The following OTUD7A variants were observed in gnomAD, a reference collection of about 807,000 sequenced individuals.
OTUD7A encodes the protein OTU deubiquitinase 7A.
Under a neutral mutation model 65.7 loss-of-function variants are expected in OTUD7A, and 12 were observed. The ratio of observed to expected loss-of-function variants is 0.18; its 90% CI spans 0.12 to 0.30. OTUD7A has a LOEUF of 0.30. Among genes scored for constraint, OTUD7A ranks in the 10% least tolerant of loss-of-function variants. The pLI, the probability that OTUD7A is intolerant of heterozygous loss-of-function variation, is 1.00. For missense variants in OTUD7A, 1,148 were observed against 1,304.8 expected (o/e 0.88, Z 1.85); for synonymous variants, 641 against 586.3 (o/e 1.09, Z -1.35).
intron 9 of OTUD7A, 147 bp from the exon 10 acceptor site, chr15:31,501,986 G>T: frequency 2.2e-6 from 2 of 911,834 alleles, no homozygotes; most frequent in Non-Finnish European, 3.2e-6. Flanking sequence ...GGTGCTGAGG[G>T]ATGGGGCTGA....
chr15:31,677,273 A>G lies in OTUD7A; in HGVS notation c.-99-20196T>C, dbSNP rs534554812. Among the ~76,000 whole-genome samples, 48 of 152,300 alleles carry G rather than the reference A, an allele frequency of 3.2e-4. No individual in the cohort carries two copies. The South Asian group carries it at 9.3e-3, about 30-fold the overall frequency. On this transcript the variant is annotated intron_variant, in intron 1 of 12. Coordinates refer to ENST00000307050, the MANE Select transcript of OTUD7A (RefSeq NM_001382637.1). ...GTCCCTACATGATGGTGTGGTCTCT[A>G]TCAGGCTGGCACATGGCAAGAAATA...
intron 1 of OTUD7A, among the ~76,000 whole-genome samples, chr15:31,829,925 C>A (rs891471161): frequency 6.6e-6 from 1 of 152,218 alleles, no homozygotes; most frequent in Non-Finnish European, 1.5e-5. Flanking sequence ...ATCTCTGCTG[C>A]CGTGGTAGCC....
intron 3 of OTUD7A, among the ~76,000 whole-genome samples, chr15:31,586,319 T>C (rs545270865): frequency 6.6e-6 from 1 of 152,326 alleles, no homozygotes; most frequent in African/African-American, 2.4e-5. Flanking sequence ...ATTCCATACA[T>C]ACAGTGTGAA....
At chr15:31,486,241 A>G (rs185674827) in intron 12 of OTUD7A, among the ~76,000 whole-genome samples, 29 of 152,276 alleles carry the variant, frequency 1.9e-4, no homozygotes, top group Middle Eastern at 3.4e-3. Flanking sequence ...CCACAGCACT[A>G]CGGGAGTGCT....
intron 10 of OTUD7A, among the ~76,000 whole-genome samples, chr15:31,489,261 C>G (rs1425588797): frequency 6.6e-6 from 1 of 152,204 alleles, no homozygotes; most frequent in African/African-American, 2.4e-5. Context: ...ATGGATGGGC[C>G]AAACCAAAGT....
chr15:31,718,704 G>A (rs1352597513), intron 1 of OTUD7A, among the ~76,000 whole-genome samples: 2 of 122,628 alleles, frequency 1.6e-5, no homozygotes, highest in East Asian at 4.1e-4. Context: ...CCACTTAGAA[G>A]CTTTCCCCAA....
intron 1 of OTUD7A, among the ~76,000 whole-genome samples, chr15:31,823,771 C>A (rs1446512460): frequency 1.3e-5 from 2 of 152,140 alleles, no homozygotes; most frequent in Admixed American, 1.3e-4. Flanking sequence ...GCCAGAATAT[C>A]AAACTAGAAC....
chr15:31,859,684 C>T (rs1006389463), intron 1 of OTUD7A, among the ~76,000 whole-genome samples: 3 of 152,172 alleles, frequency 2.0e-5, no homozygotes, highest in African/African-American at 7.2e-5. Flanking sequence ...GGTTCTCAAA[C>T]CCAGAATCAA....
At chr15:31,646,920 C>T (rs1428275708) in intron 3 of OTUD7A, among the ~76,000 whole-genome samples, 1 of 152,166 alleles carries the variant, frequency 6.6e-6, no homozygotes, top group Non-Finnish European at 1.5e-5. Flanking sequence ...TGCAAATGGT[C>T]TTAATGGGTC....
At chr15:31,784,465 ATTTT>A (rs1895620563) in intron 1 of OTUD7A, among the ~76,000 whole-genome samples, 1 of 152,118 alleles carries the variant, frequency 6.6e-6, no homozygotes, top group South Asian at 2.1e-4. Flanking sequence ...TTTTCGTGAT[ATTTT>A]TTGTTTTTGA....
intron 1 of OTUD7A, among the ~76,000 whole-genome samples, chr15:31,850,249 T>C (rs1897387893): frequency 6.6e-6 from 1 of 152,252 alleles, no homozygotes; most frequent in Non-Finnish European, 1.5e-5. Context: ...GATGAGTTCA[T>C]GTTCTTTGTA....
At chr15:31,632,954 T>G (rs1227465735) in intron 3 of OTUD7A, among the ~76,000 whole-genome samples, 1 of 152,128 alleles carries the variant, frequency 6.6e-6, no homozygotes, top group African/African-American at 2.4e-5. Context: ...TGGTGTGCCG[T>G]TTTTTAAGCC....
chr15:31,800,512 T>G (rs1349359471), intron 1 of OTUD7A, among the ~76,000 whole-genome samples: 2 of 152,138 alleles, frequency 1.3e-5, no homozygotes, highest in Non-Finnish European at 2.9e-5. Context: ...GCCATCAGGA[T>G]GCAGCCAGGA....
chr15:31,778,882 G>T (rs986419314), intron 1 of OTUD7A, among the ~76,000 whole-genome samples: 4 of 152,126 alleles, frequency 2.6e-5, no homozygotes, highest in African/African-American at 9.7e-5. Context: ...ATTTAAACAT[G>T]ATTAGTGGAA....
At chr15:31,663,058 TC>T (rs1453983949) in intron 1 of OTUD7A, among the ~76,000 whole-genome samples, 1 of 109,170 alleles carries the variant, frequency 9.2e-6, no homozygotes, top group African/African-American at 3.5e-5. Flanking sequence ...TTGTGTTAAC[TC>T]TTTTTTTTTT....
intron 1 of OTUD7A, among the ~76,000 whole-genome samples, chr15:31,854,793 C>T (rs571494364): frequency 2.0e-4 from 31 of 151,322 alleles, no homozygotes; most frequent in African/African-American, 7.0e-4. Flanking sequence ...TGTCTTCCTG[C>T]CTACCACACT....
At chr15:31,577,541 T>A (rs754267392) in intron 3 of OTUD7A, among the ~76,000 whole-genome samples, 1 of 152,106 alleles carries the variant, frequency 6.6e-6, no homozygotes, top group Non-Finnish European at 1.5e-5. Flanking sequence ...CATGTATTGA[T>A]CCATGTCTTT....
chr15:31,701,711 T>G (rs1829828447), intron 1 of OTUD7A, among the ~76,000 whole-genome samples: 1 of 151,880 alleles, frequency 6.6e-6, no homozygotes, highest in Non-Finnish European at 1.5e-5. Context: ...CACTGGAGAA[T>G]TCTACCAAAC....
At chr15:31,746,298 T>C (rs1894474164) in intron 1 of OTUD7A, among the ~76,000 whole-genome samples, 1 of 152,064 alleles carries the variant, frequency 6.6e-6, no homozygotes, top group Non-Finnish European at 1.5e-5. Flanking sequence ...CAAATGTCCA[T>C]CAAGAAGAGA....
Sources: allele counts gnomAD v4.1 joint callset (sites outside exome capture counted in the v4.1 genomes callset), GRCh38; gene constraint gnomAD v4.1.1; transcripts MANE v1.5; gene names NCBI Gene and HGNC (gene_info 2026-07-23, HGNC 2026-07-21).